The following PCDH11X variants were observed in gnomAD, a reference collection of about 807,000 sequenced individuals.
PCDH11X encodes protocadherin 11 X-linked, also known as protocadherin-11 X-linked.
In PCDH11X, 18 loss-of-function variants were observed where a neutral mutation model predicts 53.3. The ratio of observed to expected loss-of-function variants is 0.34; its 90% CI spans 0.23 to 0.50. The LOEUF (loss-of-function observed/expected upper bound fraction) is 0.50, where lower values mean the gene tolerates loss of function less well. Ranked by LOEUF, PCDH11X falls within the 20% of genes least tolerant of loss-of-function variation. The probability of loss-of-function intolerance (pLI) is 0.98; values close to 1 mark genes in which losing one functional copy is unlikely to be tolerated. For synonymous variants in PCDH11X, 279 were observed against 393.3 expected (o/e 0.71, Z 3.44); for missense variants, 570 against 1,032.4 (o/e 0.55, Z 6.14).
intron 9 of PCDH11X, among the ~76,000 whole-genome samples, chrX:92,436,057 T>G (rs190400094): frequency 1.3e-4 from 14 of 110,787 alleles, no homozygotes; most frequent in African/African-American, 4.6e-4. Flanking sequence ...ATTAAATTAT[T>G]TTTTGCAAAC....
At chrX:92,293,482 G>A (rs1195876547) in intron 8 of PCDH11X, among the ~76,000 whole-genome samples, 3 of 109,493 alleles carry the variant, frequency 2.7e-5, no homozygotes, top group Non-Finnish European at 5.7e-5. Context: ...AAATTAGCCG[G>A]GCGTGGTAGC....
rs1334423865 is a variant in PCDH11X, at chrX:92,352,080, A to G, written c.3145-35655A>G. The stretch of plus-strand genomic sequence containing the variant: ...TGATAATTTTCTTCATCATTATCAT[A>G]ACTTTCTATTTTACAGAATAAAAAA... On this transcript the variant is annotated intron_variant, in intron 8 of 10. Coordinates refer to ENST00000682573, the MANE Select transcript of PCDH11X (RefSeq NM_032968.5). 5.4e-5 allele frequency among the ~76,000 whole-genome samples: 6 copies of G among 111,842 alleles called. No homozygotes were observed. In the East Asian group the frequency reaches 1.1e-3, roughly 21 times the overall value.
chrX:91,882,342 G>C (rs756725941), intron 6 of PCDH11X, among the ~76,000 whole-genome samples: 2 of 109,505 alleles, frequency 1.8e-5, no homozygotes, highest in African/African-American at 3.4e-5. Context: ...TATGACACTA[G>C]AGAAACCATA....
chrX:92,195,015 G>C (rs2066269730), intron 6 of PCDH11X, among the ~76,000 whole-genome samples: 1 of 111,451 alleles, frequency 9.0e-6, no homozygotes, highest in African/African-American at 3.3e-5. Flanking sequence ...GTTTAGCTGA[G>C]ATTTAAGGAG....
chrX:92,227,508 A>G (rs1185546868), intron 7 of PCDH11X, among the ~76,000 whole-genome samples: 1 of 111,641 alleles, frequency 9.0e-6, no homozygotes, highest in Non-Finnish European at 1.9e-5. Flanking sequence ...GTTTTCAACT[A>G]AGAAATTTGT....
At chrX:92,048,626 G>T (rs1454065033) in intron 6 of PCDH11X, among the ~76,000 whole-genome samples, 3 of 111,623 alleles carry the variant, frequency 2.7e-5, no homozygotes, top group African/African-American at 9.8e-5. Context: ...AACACTCTTT[G>T]GTTGAAAGTG....
At chrX:92,482,854 TA>T (rs1446671194) in intron 10 of PCDH11X, among the ~76,000 whole-genome samples, 1 of 111,018 alleles carries the variant, frequency 9.0e-6, no homozygotes, top group Admixed American at 9.6e-5. Context: ...ATAAATAGTT[TA>T]AATCAGATTG....
chrX:92,562,484 G>C (rs2075145021), intron 10 of PCDH11X, among the ~76,000 whole-genome samples: 1 of 103,861 alleles, frequency 9.6e-6, no homozygotes, highest in African/African-American at 3.5e-5. Flanking sequence ...AAAGTCCAAA[G>C]TCTCATCTGC....
intron 9 of PCDH11X, among the ~76,000 whole-genome samples, chrX:92,395,723 G>A (rs2071227703): frequency 9.0e-6 from 1 of 110,887 alleles, no homozygotes; most frequent in South Asian, 3.8e-4. Context: ...ACTGAGATTT[G>A]GCCCTTTTAA....
intron 9 of PCDH11X, 140 bp downstream of exon 9, chrX:92,388,073 A>C: frequency 1.3e-6 from 1 of 767,779 alleles, no homozygotes; most frequent in South Asian, 2.5e-5. Context: ...AACATACAGA[A>C]TTAGATGGAT....
intron 8 of PCDH11X, among the ~76,000 whole-genome samples, chrX:92,270,798 A>G (rs1251252210): frequency 8.9e-6 from 1 of 112,123 alleles, no homozygotes; most frequent in Non-Finnish European, 1.9e-5. Context: ...GAGCTATTTA[A>G]CCTTTTATCT....
intron 7 of PCDH11X, among the ~76,000 whole-genome samples, chrX:92,228,285 A>G (rs889786147): frequency 7.1e-5 from 8 of 111,905 alleles, no homozygotes; most frequent in African/African-American, 6.5e-5. Flanking sequence ...GATGTTTTCC[A>G]TGTTCTCTGA....
chrX:92,159,421 A>G (rs1049948835), intron 6 of PCDH11X, among the ~76,000 whole-genome samples: 1 of 106,381 alleles, frequency 9.4e-6, no homozygotes, highest in Non-Finnish European at 1.9e-5. Context: ...TCATTTTAAA[A>G]ATATATTATC....
chrX:92,336,217 G>A (rs1217276308), intron 8 of PCDH11X, among the ~76,000 whole-genome samples: 2 of 111,551 alleles, frequency 1.8e-5, no homozygotes, highest in African/African-American at 6.5e-5. Flanking sequence ...TGTTACATTT[G>A]ACATGCATGG....
At chrX:91,847,606 T>C (rs1444455461) in intron 5 of PCDH11X, among the ~76,000 whole-genome samples, 3 of 111,436 alleles carry the variant, frequency 2.7e-5, no homozygotes, top group African/African-American at 9.8e-5. Context: ...AAAACATCAT[T>C]GGGGTCAACT....
intron 8 of PCDH11X, among the ~76,000 whole-genome samples, chrX:92,329,263 C>T (rs1435219049): frequency 1.8e-5 from 2 of 111,189 alleles, no homozygotes; most frequent in Non-Finnish European, 3.8e-5. Context: ...TGTCAGCAGA[C>T]TAGGACTAGA....
chrX:92,475,620 G>C (rs1457252668), intron 10 of PCDH11X, among the ~76,000 whole-genome samples: 1 of 111,163 alleles, frequency 9.0e-6, no homozygotes, highest in Non-Finnish European at 1.9e-5. Flanking sequence ...CTTTATTTTT[G>C]ACCTTTGGGA....
At chrX:91,936,035 G>T (rs1300794018) in intron 6 of PCDH11X, among the ~76,000 whole-genome samples, 2 of 104,601 alleles carry the variant, frequency 1.9e-5, no homozygotes, top group African/African-American at 7.0e-5. Context: ...TGTTGGCAGG[G>T]TATAATGAAG....
intron 10 of PCDH11X, among the ~76,000 whole-genome samples, chrX:92,596,327 A>G (rs1389289530): frequency 1.8e-5 from 2 of 110,590 alleles, no homozygotes; most frequent in Admixed American, 1.9e-4. Context: ...CTGTTTTTCC[A>G]TCTCTGTGAC....
Sources: allele counts gnomAD v4.1 joint callset (sites outside exome capture counted in the v4.1 genomes callset), GRCh38; gene constraint gnomAD v4.1.1; transcripts MANE v1.5; gene names NCBI Gene and HGNC (gene_info 2026-07-23, HGNC 2026-07-21).